The following LIMS2 variants were observed in gnomAD, a reference collection of about 807,000 sequenced individuals.
The protein encoded by LIMS2 is LIM and senescent cell antigen-like-containing domain protein 2.
A neutral mutation model predicts 45.3 loss-of-function variants in LIMS2; 30 were observed. That is an observed-to-expected ratio of 0.66 (90% CI 0.50 to 0.90). The LOEUF (loss-of-function observed/expected upper bound fraction) is 0.90, where lower values mean the gene tolerates loss of function less well. LIMS2 is among the 40% of genes least tolerant of loss of function. LIMS2 has a pLI of 0.00. For missense variants in LIMS2, 485 were observed against 468.7 expected (o/e 1.03, Z -0.32); for synonymous variants, 173 against 188.0 (o/e 0.92, Z 0.65).
rs575738597 is a variant in LIMS2, at chr2:127,671,245, C to T, written c.11+3769G>A. ...AGAAGATCAAGACCACCATGGCCAA[C>T]ACGGTAAAACCCCATCTCCAATAAA... On this transcript the variant is annotated intron_variant, in intron 1 of 9. Coordinates refer to ENST00000355119, the MANE Select transcript of LIMS2 (RefSeq NM_001161403.3). The surrounding 1 kb of genome is among the most constrained non-coding windows in gnomAD (Gnocchi z 4.1). Among the ~76,000 whole-genome samples the T allele has an allele frequency of 1.3e-3, 195 of 152,210 alleles. 1 individual carries two copies. Among genetic ancestry groups the T allele is most frequent in the African/African-American group, 4.5e-3 (188 of 41,496 alleles).
chr2:127,642,710 CAG>C lies in LIMS2; in HGVS notation c.509+211_509+212del. 1 of 587,910 alleles carries C rather than the reference CAG, an allele frequency of 1.7e-6. No individual in the cohort carries two copies. The highest frequency in any genetic ancestry group is 3.0e-6 in the Non-Finnish European group (1 of 336,738). 36.4% of individuals were successfully genotyped at this position (587,910 alleles called of 1,614,324 possible). A position where few individuals can be genotyped will look rare whatever the true frequency, so the allele number is the denominator to read the frequency against. On this transcript the variant is annotated intron_variant, in intron 5 of 9. Transcript: ENST00000355119. The surrounding 1 kb of genome is among the most constrained non-coding windows in gnomAD (Gnocchi z 5.3). ...TCCTGAGTCTCAAGTGCCCCCCAAA[CAG>C]AGCCCTGGAGAGAGAAGCTTCCTGC...
chr2:127,650,975 C>A, intron 4 of LIMS2: 1 of 1,613,828 alleles, frequency 6.2e-7, no homozygotes. Context: ...ACTTGTCGTG[C>A]GTGCTGGTCC....
At position 127,639,190 on chromosome 2, in the gene LIMS2, G is replaced by C; in HGVS notation, c.*91C>G. The C allele has an allele frequency of 7.3e-7, 1 of 1,362,032 alleles. No homozygotes were observed. The highest frequency in any genetic ancestry group is 1.0e-6 in the Non-Finnish European group (1 of 980,466). The allele number at this position is 1,362,032 out of a possible 1,614,324, so 84.4% of individuals were successfully genotyped here. A position where few individuals can be genotyped will look rare whatever the true frequency, so the allele number is the denominator to read the frequency against. On this transcript the variant is annotated 3_prime_UTR_variant, in exon 10 of 10. Coordinates refer to ENST00000355119, the MANE Select transcript of LIMS2 (RefSeq NM_001161403.3). ...AGAGAAAGGGAGGGTAAGATGCGGA[G>C]GGCACAGGTGGATGGGGACGAGGGG...
At chr2:127,655,118 G>A in intron 2 of LIMS2, 1 of 611,866 alleles carries the variant, frequency 1.6e-6, no homozygotes, top group Non-Finnish European at 3.0e-6. Context: ...AAGCTGGAGA[G>A]GTCCGTGAGG....
chr2:127,656,762 C>T (rs1684283911), intron 2 of LIMS2, among the ~76,000 whole-genome samples: 1 of 152,192 alleles, frequency 6.6e-6, no homozygotes, highest in South Asian at 2.1e-4. Flanking sequence ...CTCTGCTCCA[C>T]ACCCCGAGGT....
At chr2:127,651,669 C>T (rs1345648384) in intron 4 of LIMS2, 1 of 1,613,428 alleles carries the variant, frequency 6.2e-7, no homozygotes, top group Admixed American at 1.7e-5. Context: ...GTGCAACTTG[C>T]TCTGTGGCAA....
chr2:127,641,973 G>A, intron 6 of LIMS2, 76 bp downstream of exon 6: 2 of 1,514,276 alleles, frequency 1.3e-6, no homozygotes, highest in Non-Finnish European at 1.8e-6. Context: ...GTGTGGAGGA[G>A]CTTTAGGGCT....
At chr2:127,663,626 G>GCCCCCCC (rs142910947) in intron 1 of LIMS2, among the ~76,000 whole-genome samples, 7 of 136,388 alleles carry the variant, frequency 5.1e-5, no homozygotes, top group East Asian at 4.3e-4. Context: ...CTCCCTCCCT[G>GCCCCCCC]CCCCCCCGCC....
upstream of LIMS2, among the ~76,000 whole-genome samples, chr2:127,679,571 G>A (rs1407861456): frequency 3.3e-5 from 5 of 151,938 alleles, no homozygotes; most frequent in Non-Finnish European, 4.4e-5. The surrounding 1 kb of genome is among the most constrained non-coding windows in gnomAD (Gnocchi z 5.3). Context: ...GGGCAGGTGG[G>A]CACCCCCTTT....
At chr2:127,640,375 C>A (rs910750841) in intron 7 of LIMS2, 57 bp from the exon 8 acceptor site, 3 of 1,574,310 alleles carry the variant, frequency 1.9e-6, no homozygotes, top group Admixed American at 1.7e-5. Flanking sequence ...CAGCCCAGGG[C>A]CATCATGCAG....
intron 4 of LIMS2, chr2:127,643,344 T>C (rs1573758226): frequency 3.8e-6 from 2 of 531,778 alleles, no homozygotes; most frequent in East Asian, 8.1e-5. Context: ...CTACTTTCTC[T>C]AAGCCTGGGG....
chr2:127,657,634 C>A, intron 1 of LIMS2, 72 bp from the exon 2 acceptor site: 1 of 1,440,910 alleles, frequency 6.9e-7, no homozygotes. Flanking sequence ...CGGGGGCCTG[C>A]GCCCGACAGA....
At chr2:127,669,763 T>C (rs1685196801) in intron 1 of LIMS2, among the ~76,000 whole-genome samples, 2 of 152,030 alleles carry the variant, frequency 1.3e-5, no homozygotes, top group Non-Finnish European at 2.9e-5. Context: ...GTGTCTAGTA[T>C]TCAAATAAAT....
upstream of LIMS2, among the ~76,000 whole-genome samples, chr2:127,679,888 C>T (rs1685579948): frequency 6.6e-6 from 1 of 152,198 alleles, no homozygotes; most frequent in Non-Finnish European, 1.5e-5. This position sits in a 1 kb window ranked among gnomAD's most constrained non-coding sequence, Gnocchi z 5.3. Context: ...AGCCCAGGTC[C>T]TGGGGCAGGA....
intron 4 of LIMS2, chr2:127,651,169 C>G: frequency 6.2e-7 from 1 of 1,612,686 alleles, no homozygotes; most frequent in Non-Finnish European, 8.5e-7. Context: ...CTCCGCAGGC[C>G]CCTCTACGCA....
At chr2:127,676,391 G>A (rs1045293437), upstream of LIMS2, among the ~76,000 whole-genome samples, 1 of 149,878 alleles carries the variant, frequency 6.7e-6, no homozygotes, top group Non-Finnish European at 1.5e-5. Context: ...ATTGTGGAGT[G>A]CCTTTGCAGT....
intron 4 of LIMS2, among the ~76,000 whole-genome samples, chr2:127,652,813 G>A (rs1157502128): frequency 6.6e-6 from 1 of 152,172 alleles, no homozygotes; most frequent in African/African-American, 2.4e-5. Context: ...GGGCTGGGAG[G>A]GCCAAGTAGG....
chr2:127,648,326 T>A (rs938028570), intron 4 of LIMS2: 10 of 403,770 alleles, frequency 2.5e-5, no homozygotes, highest in African/African-American at 4.3e-5. Context: ...AAAGGTAATA[T>A]TATTAGGTAG....
intron 1 of LIMS2, among the ~76,000 whole-genome samples, chr2:127,681,122 C>G (rs566235592): frequency 5.3e-5 from 8 of 152,340 alleles, no homozygotes; most frequent in Admixed American, 2.6e-4. Flanking sequence ...CAGAAGGCCC[C>G]GCGTGCGGCC....
Sources: allele counts gnomAD v4.1 joint callset (sites outside exome capture counted in the v4.1 genomes callset), GRCh38; gene constraint gnomAD v4.1.1; non-coding constraint Gnocchi (gnomAD v3.1); transcripts MANE v1.5; gene names NCBI Gene and HGNC (gene_info 2026-07-23, HGNC 2026-07-21).